THSD7A: variants seen among roughly 807,000 people sequenced by gnomAD.
The protein encoded by THSD7A is thrombospondin type 1 domain containing 7A.
Under a neutral mutation model 231.3 loss-of-function variants are expected in THSD7A, and 96 were observed. That is an observed-to-expected ratio of 0.41 (90% CI 0.35 to 0.49). THSD7A has a LOEUF of 0.49. Among genes scored for constraint, THSD7A ranks in the 20% least tolerant of loss-of-function variants. The probability of loss-of-function intolerance (pLI) is 0.05; values close to 1 mark genes in which losing one functional copy is unlikely to be tolerated. For missense variants in THSD7A, 2,290 were observed against 2,070.2 expected (o/e 1.11, Z -2.06); for synonymous variants, 940 against 743.3 (o/e 1.26, Z -4.30).
intron 1 of THSD7A, among the ~76,000 whole-genome samples, chr7:11,790,079 A>C (rs958887744): frequency 3.3e-5 from 5 of 152,076 alleles, no homozygotes; most frequent in African/African-American, 1.2e-4. Context: ...GGAGATAAAA[A>C]GACATACTTT....
At chr7:11,724,468 T>C (rs945577673) in intron 1 of THSD7A, among the ~76,000 whole-genome samples, 2 of 151,882 alleles carry the variant, frequency 1.3e-5, no homozygotes, top group Non-Finnish European at 2.9e-5. Flanking sequence ...TAATCAGTCA[T>C]ACAGAATGTT....
intron 4 of THSD7A, among the ~76,000 whole-genome samples, chr7:11,564,710 A>T (rs1331109271): frequency 6.6e-6 from 1 of 152,142 alleles, no homozygotes; most frequent in African/African-American, 2.4e-5. Context: ...TTAGGGAATT[A>T]TAGAGAAAGG....
chr7:11,691,036 C>T (rs1265316273), intron 1 of THSD7A, among the ~76,000 whole-genome samples: 2 of 151,550 alleles, frequency 1.3e-5, no homozygotes, highest in African/African-American at 4.8e-5. Flanking sequence ...TAGTAAGGAA[C>T]ATGATTTACA....
At chr7:11,602,062 G>A (rs1488321194) in intron 2 of THSD7A, among the ~76,000 whole-genome samples, 1 of 152,090 alleles carries the variant, frequency 6.6e-6, no homozygotes, top group Admixed American at 6.6e-5. Flanking sequence ...TGATCAACTG[G>A]TATCACTGTC....
intron 1 of THSD7A, among the ~76,000 whole-genome samples, chr7:11,764,216 G>T (rs556494831): frequency 6.6e-6 from 1 of 152,276 alleles, no homozygotes; most frequent in Non-Finnish European, 1.5e-5. Flanking sequence ...TGACAACACA[G>T]CTGTCATAAA....
At chr7:11,580,027 T>G (rs1791087857) in intron 4 of THSD7A, among the ~76,000 whole-genome samples, 1 of 152,190 alleles carries the variant, frequency 6.6e-6, no homozygotes, top group Non-Finnish European at 1.5e-5. Flanking sequence ...TGATTTTGAA[T>G]TTGGAATTTT....
intron 2 of THSD7A, among the ~76,000 whole-genome samples, chr7:11,624,444 T>C (rs923230629): frequency 2.6e-5 from 4 of 152,136 alleles, no homozygotes; most frequent in African/African-American, 7.2e-5. Context: ...CATACCAGCA[T>C]CTTGACTGCC....
chr7:11,647,294 C>T (rs1052928066), intron 1 of THSD7A, among the ~76,000 whole-genome samples: 1 of 151,958 alleles, frequency 6.6e-6, no homozygotes, highest in African/African-American at 2.4e-5. Flanking sequence ...TAGGTATGGA[C>T]AGCACAAATT....
At chr7:11,805,027 T>C (rs1034181312) in intron 1 of THSD7A, among the ~76,000 whole-genome samples, 2 of 152,166 alleles carry the variant, frequency 1.3e-5, no homozygotes, top group Non-Finnish European at 2.9e-5. Context: ...TGGTGCCCTA[T>C]GGAAGCTTAC....
intron 4 of THSD7A, among the ~76,000 whole-genome samples, chr7:11,582,889 C>A (rs1229001486): frequency 3.3e-5 from 5 of 151,776 alleles, no homozygotes; most frequent in African/African-American, 9.7e-5. Flanking sequence ...TATTATCCTG[C>A]TTGAAAATTC....
chr7:11,772,806 C>T (rs1174189100), intron 1 of THSD7A, among the ~76,000 whole-genome samples: 2 of 152,066 alleles, frequency 1.3e-5, no homozygotes, highest in Non-Finnish European at 2.9e-5. Flanking sequence ...AAACCAATTC[C>T]GGTGACATGC....
intron 1 of THSD7A, among the ~76,000 whole-genome samples, chr7:11,726,415 G>A (rs116004531): frequency 2.0e-4 from 30 of 151,912 alleles, no homozygotes; most frequent in Middle Eastern, 3.4e-3. Flanking sequence ...ATAATGAAAG[G>A]TTCATTAGTC....
At chr7:11,783,080 AG>A (rs979619151) in intron 1 of THSD7A, among the ~76,000 whole-genome samples, 6 of 152,296 alleles carry the variant, frequency 3.9e-5, no homozygotes, top group Admixed American at 2.0e-4. Flanking sequence ...GCATACTCAA[AG>A]CAATAGAAGC....
intron 22 of THSD7A, among the ~76,000 whole-genome samples, chr7:11,404,541 C>T (rs1183144781): frequency 2.6e-5 from 4 of 152,174 alleles, no homozygotes; most frequent in African/African-American, 9.7e-5. Flanking sequence ...CTTGGCCCTG[C>T]CTGGAGCTGT....
chr7:11,484,420 G>A (rs556291875), intron 6 of THSD7A, among the ~76,000 whole-genome samples: 2 of 152,030 alleles, frequency 1.3e-5, no homozygotes, highest in African/African-American at 4.8e-5. Flanking sequence ...CAACATTCAG[G>A]TTTCAGTTCA....
chr7:11,487,185 G>A (rs1786692731), intron 6 of THSD7A, among the ~76,000 whole-genome samples: 1 of 152,044 alleles, frequency 6.6e-6, no homozygotes, highest in Non-Finnish European at 1.5e-5. Flanking sequence ...ACACTCTCAT[G>A]AGCTCTCCTA....
intron 4 of THSD7A, among the ~76,000 whole-genome samples, chr7:11,576,246 C>A (rs374185961): frequency 6.6e-6 from 1 of 152,196 alleles, no homozygotes; most frequent in East Asian, 1.9e-4. Context: ...CCTTTATTGT[C>A]GGTATTTATA....
At chr7:11,778,066 A>C (rs1211164032) in intron 1 of THSD7A, among the ~76,000 whole-genome samples, 1 of 141,910 alleles carries the variant, frequency 7.0e-6, no homozygotes, top group East Asian at 2.2e-4. Flanking sequence ...CTGAGGCAGG[A>C]GAATGGCGTG....
intron 13 of THSD7A, among the ~76,000 whole-genome samples, chr7:11,441,386 A>G (rs139940415): frequency 3.4e-4 from 51 of 152,162 alleles, no homozygotes; most frequent in Non-Finnish European, 5.6e-4. Context: ...TTAAATAGAA[A>G]TCTTGTATAC....
Sources: gnomAD v4.1 joint callset for allele counts (sites outside exome capture counted in the v4.1 genomes callset) on GRCh38, gnomAD v4.1.1 for gene constraint, MANE v1.5 for transcripts, NCBI Gene and HGNC (gene_info 2026-07-23, HGNC 2026-07-21) for gene names.